Variants in CERS4 observed in about 807,000 individuals in gnomAD.
CERS4 encodes the protein LAG1 homolog, ceramide synthase 4.
A neutral mutation model predicts 51.8 loss-of-function variants in CERS4; 65 were observed. That is an observed-to-expected ratio of 1.26 (90% CI 1.03 to 1.54). The LOEUF is 1.54. Ranked by LOEUF, CERS4 falls within the 40% of genes most tolerant of loss-of-function variation. The pLI, the probability that CERS4 is intolerant of heterozygous loss-of-function variation, is 0.00. For synonymous variants in CERS4, 228 were observed against 208.4 expected, an observed-to-expected ratio of 1.09 and a Z score of -0.81; for missense variants, 563 against 500.4, an observed-to-expected ratio of 1.13 and a Z score of -1.19.
intron 10 of CERS4, chr19:8,261,402 G>A: frequency 4.6e-6 from 2 of 434,008 alleles, no homozygotes; most frequent in South Asian, 3.1e-5. Flanking sequence ...GAAGCTGCCA[G>A]AGTGCCACCC....
At chr19:8,217,337 C>T (rs1967341449) in intron 2 of CERS4, among the ~76,000 whole-genome samples, 1 of 151,950 alleles carries the variant, frequency 6.6e-6, no homozygotes, top group African/African-American at 2.4e-5. Flanking sequence ...ACAAGGAAAA[C>T]AATCAGAGAC....
intron 6 of CERS4, 143 bp downstream of exon 6, chr19:8,256,022 A>G (rs1568536622): frequency 1.0e-6 from 1 of 998,848 alleles, no homozygotes; most frequent in Non-Finnish European, 1.5e-6. Context: ...ATGGTGGTGA[A>G]TGTTCACTCA....
intron 10 of CERS4, among the ~76,000 whole-genome samples, chr19:8,258,270 C>T (rs1006331446): frequency 1.5e-4 from 23 of 152,180 alleles, no homozygotes; most frequent in Non-Finnish European, 3.1e-4. Flanking sequence ...GTGGGGGCCT[C>T]TTGAGTGTGC....
At position 8,247,943 on chromosome 19, in the gene CERS4, A is replaced by G. The variant is rs1456386591; in HGVS notation, c.-1-3133A>G. Among the ~76,000 whole-genome samples the G allele has an allele frequency of 2.6e-5, 4 of 151,928 alleles. No individual in the cohort carries two copies. In the East Asian group the frequency reaches 7.7e-4, roughly 29 times the overall value. On this transcript the variant is annotated intron_variant, in intron 2 of 11. Coordinates refer to ENST00000251363, the MANE Select transcript of CERS4 (RefSeq NM_024552.3). ...GAGATGAGGTTTCACCATGTGGGCC[A>G]GGCTGGTCTTGAACTCCTGACCTCA... is the stretch of plus-strand genomic sequence containing the variant.
chr19:8,247,671 C>T (rs943233077), intron 2 of CERS4, among the ~76,000 whole-genome samples: 16 of 151,578 alleles, frequency 1.1e-4, no homozygotes, highest in African/African-American at 2.7e-4. Flanking sequence ...CCACCTGCCT[C>T]GGCCTCCCAA....
intron 2 of CERS4, among the ~76,000 whole-genome samples, chr19:8,220,224 C>T (rs1348728078): frequency 6.6e-6 from 1 of 151,950 alleles, no homozygotes; most frequent in Non-Finnish European, 1.5e-5. Flanking sequence ...TCTGCCACCC[C>T]CACCCCTTGA....
chr19:8,229,940 G>T (rs569072686), intron 2 of CERS4, among the ~76,000 whole-genome samples: 1 of 151,880 alleles, frequency 6.6e-6, no homozygotes, highest in Non-Finnish European at 1.5e-5. Context: ...TTCCCAGGCT[G>T]GCCTCGAACT....
At chr19:8,211,961 C>T (rs934870826) in intron 2 of CERS4, among the ~76,000 whole-genome samples, 1 of 150,444 alleles carries the variant, frequency 6.6e-6, no homozygotes, top group African/African-American at 2.4e-5. Context: ...AGTCACCTGA[C>T]TCAGCCTAAG....
chr19:8,244,174 G>C (rs1968656793), intron 2 of CERS4, among the ~76,000 whole-genome samples: 1 of 152,218 alleles, frequency 6.6e-6, no homozygotes, highest in Non-Finnish European at 1.5e-5. Flanking sequence ...GCTGGAGGGT[G>C]CAGGCAGCCT....
At chr19:8,217,218 T>C (rs1967336910) in intron 2 of CERS4, among the ~76,000 whole-genome samples, 1 of 151,644 alleles carries the variant, frequency 6.6e-6, no homozygotes, top group Non-Finnish European at 1.5e-5. Flanking sequence ...TGGGAGTGAG[T>C]GATGGGCTGA....
intron 2 of CERS4, among the ~76,000 whole-genome samples, chr19:8,215,565 A>G (rs1263141663): frequency 6.6e-6 from 1 of 151,704 alleles, no homozygotes; most frequent in Non-Finnish European, 1.5e-5. Context: ...CCCAGGCAAA[A>G]GAGAGAGAAC....
intron 2 of CERS4, among the ~76,000 whole-genome samples, chr19:8,232,812 C>T (rs1968072040): frequency 6.6e-6 from 1 of 150,398 alleles, no homozygotes; most frequent in South Asian, 2.1e-4. Flanking sequence ...GCCTAGATCT[C>T]CCAGGCTTGT....
intron 2 of CERS4, among the ~76,000 whole-genome samples, chr19:8,231,413 A>G (rs1967997330): frequency 6.6e-6 from 1 of 152,188 alleles, no homozygotes; most frequent in Admixed American, 6.6e-5. Flanking sequence ...TGGGTAGCAG[A>G]TGAAATCTTG....
Position 8,262,032 on chromosome 19 carries a change from C to T in CERS4, c.1108C>T (p.Pro370Ser). 3 of 1,558,314 alleles carry T rather than the reference C, an allele frequency of 1.9e-6. No homozygotes were observed. Among genetic ancestry groups the T allele is most frequent in the Non-Finnish European group, 1.7e-6 (2 of 1,155,754 alleles). ...LQLKNGAAGG[P>S]RPAPTDGPRS... Reference sequence around the variant, plus strand: ...GCTAAAGAACGGGGCAGCTGGAGGGCCCAGGCCAGCCCCCACTGATGGCCC... The same window carrying T: ...GCTAAAGAACGGGGCAGCTGGAGGGTCCAGGCCAGCCCCCACTGATGGCCC... Residue 370 changes from proline (P) to serine (S), a missense_variant, in exon 12 of 12, where the codon CCC becomes TCC. Transcript: ENST00000251363.
At chr19:8,253,973 C>G (rs1969228072) in intron 3 of CERS4, among the ~76,000 whole-genome samples, 1 of 151,942 alleles carries the variant, frequency 6.6e-6, no homozygotes, top group Non-Finnish European at 1.5e-5. Context: ...GAGTCCTGCC[C>G]CACGAGCCTT....
At chr19:8,252,540 G>C (rs1270140437) in intron 3 of CERS4, among the ~76,000 whole-genome samples, 1 of 151,524 alleles carries the variant, frequency 6.6e-6, no homozygotes, top group East Asian at 2.0e-4. Context: ...CCAGGTTCAA[G>C]CGACTCTCCT....
At chr19:8,242,016 C>T (rs1254441367) in intron 2 of CERS4, among the ~76,000 whole-genome samples, 1 of 152,168 alleles carries the variant, frequency 6.6e-6, no homozygotes, top group African/African-American at 2.4e-5. Flanking sequence ...GCCTGAGGTG[C>T]CTGGTTATAG....
At chr19:8,225,526 C>T (rs369097920) in intron 2 of CERS4, among the ~76,000 whole-genome samples, 18 of 150,444 alleles carry the variant, frequency 1.2e-4, no homozygotes, top group African/African-American at 3.7e-4. Context: ...CGGGTTCAAG[C>T]GATTCTCCTG....
chr19:8,231,873 T>C (rs977670262), intron 2 of CERS4, among the ~76,000 whole-genome samples: 23 of 119,552 alleles, frequency 1.9e-4, no homozygotes, highest in Non-Finnish European at 3.7e-4. Flanking sequence ...TTTTTTTTTT[T>C]AGAGACAGTC....
Sources: gnomAD v4.1 joint callset for allele counts (sites outside exome capture counted in the v4.1 genomes callset) on GRCh38, gnomAD v4.1.1 for gene constraint, MANE v1.5 for transcripts, NCBI Gene and HGNC (gene_info 2026-07-23, HGNC 2026-07-21) for gene names.